The following SCHIP1 variants were observed in gnomAD, a reference collection of about 807,000 sequenced individuals.
The protein encoded by SCHIP1 is schwannomin-interacting protein 1.
A neutral mutation model predicts 29.7 loss-of-function variants in SCHIP1; 8 were observed. That is an observed-to-expected ratio of 0.27 (90% CI 0.16 to 0.49). SCHIP1 has a LOEUF of 0.49. Ranked by LOEUF, SCHIP1 falls within the 20% of genes least tolerant of loss-of-function variation. The pLI is 0.99. For synonymous variants in SCHIP1, 76 were observed against 94.9 expected (o/e 0.80, Z 1.16); for missense variants, 193 against 294.6 (o/e 0.66, Z 2.52).
the SCHIP1 span, among the ~76,000 whole-genome samples, chr3:159,612,474 C>T: frequency 0.017 from 2,603 of 152,280 alleles, 81 homozygotes; most frequent in African/African-American, 0.059. Flanking sequence ...CGGACATGCG[C>T]GGTGGCTCAC....
intron 2 of SCHIP1, among the ~76,000 whole-genome samples, chr3:159,869,420 G>A (rs753615295): frequency 6.6e-6 from 1 of 151,852 alleles, no homozygotes; most frequent in Non-Finnish European, 1.5e-5. Flanking sequence ...TCTTGATATG[G>A]TATGGAGAAG....
At chr3:159,536,029 A>G in the SCHIP1 span, among the ~76,000 whole-genome samples, 1 of 152,176 alleles carries the variant, frequency 6.6e-6, no homozygotes, top group Non-Finnish European at 1.5e-5. Flanking sequence ...AGTTATATAA[A>G]ATTTGATTCC....
chr3:159,356,261 C>T, the SCHIP1 span, among the ~76,000 whole-genome samples: 16,546 of 151,966 alleles, frequency 0.11, 2,749 homozygotes, highest in African/African-American at 0.36. Context: ...TGTTATCGTT[C>T]AATCCTATGC....
the SCHIP1 span, among the ~76,000 whole-genome samples, chr3:159,480,461 G>A: frequency 2.0e-5 from 3 of 152,024 alleles, no homozygotes; most frequent in Non-Finnish European, 4.4e-5. Context: ...TTGAATCATG[G>A]CTTGATGAAA....
chr3:159,507,079 T>G, the SCHIP1 span, among the ~76,000 whole-genome samples: 1 of 152,214 alleles, frequency 6.6e-6, no homozygotes, highest in Non-Finnish European at 1.5e-5. Flanking sequence ...TTTCACGATA[T>G]TGATTCTTCC....
the SCHIP1 span, among the ~76,000 whole-genome samples, chr3:159,404,672 A>C: frequency 6.6e-6 from 1 of 152,352 alleles, no homozygotes; most frequent in Non-Finnish European, 1.5e-5. Context: ...CCTAGCTCCC[A>C]GACAGCATCT....
chr3:159,423,595 C>T, the SCHIP1 span, among the ~76,000 whole-genome samples: 1 of 152,212 alleles, frequency 6.6e-6, no homozygotes, highest in African/African-American at 2.4e-5. Context: ...TCAAGGAGGC[C>T]TGCCTGCCTC....
At chr3:159,618,711 A>G in the SCHIP1 span, among the ~76,000 whole-genome samples, 1 of 151,744 alleles carries the variant, frequency 6.6e-6, no homozygotes, top group Non-Finnish European at 1.5e-5. Flanking sequence ...TGGAGCAGAA[A>G]CATTGTTTTC....
At chr3:159,445,159 T>A in the SCHIP1 span, among the ~76,000 whole-genome samples, 8 of 152,044 alleles carry the variant, frequency 5.3e-5, no homozygotes, top group Non-Finnish European at 1.0e-4. Flanking sequence ...GAATCTACAA[T>A]GAACTCAAAC....
the SCHIP1 span, among the ~76,000 whole-genome samples, chr3:159,582,236 TCATAGC>T: frequency 6.6e-6 from 1 of 152,136 alleles, no homozygotes; most frequent in East Asian, 1.9e-4. Flanking sequence ...AGTGGTATGA[TCATAGC>T]TCACTACAGC....
the SCHIP1 span, among the ~76,000 whole-genome samples, chr3:159,620,970 C>G: frequency 6.6e-6 from 1 of 152,154 alleles, no homozygotes; most frequent in East Asian, 1.9e-4. Context: ...GGTATTTGCA[C>G]AAATATGTTA....
At chr3:159,548,471 TCA>T in the SCHIP1 span, among the ~76,000 whole-genome samples, 82 of 152,088 alleles carry the variant, frequency 5.4e-4, no homozygotes, top group African/African-American at 1.9e-3. Flanking sequence ...GCTCTCTCTC[TCA>T]TTCTCCCCTA....
intron 2 of SCHIP1, among the ~76,000 whole-genome samples, chr3:159,868,976 A>C (rs776987601): frequency 1.8e-4 from 28 of 151,980 alleles, no homozygotes; most frequent in Middle Eastern, 3.2e-3. Context: ...AATTCTTTTA[A>C]GTTTTTGTGA....
the SCHIP1 span, among the ~76,000 whole-genome samples, chr3:159,692,243 T>C: frequency 6.6e-6 from 1 of 152,158 alleles, no homozygotes; most frequent in African/African-American, 2.4e-5. Context: ...TGGTGTTCTC[T>C]GTATTTCCTG....
chr3:159,354,041 C>T, the SCHIP1 span, among the ~76,000 whole-genome samples: 603 of 152,226 alleles, frequency 4.0e-3, 2 homozygotes, highest in Middle Eastern at 0.045. Flanking sequence ...TTCATGAAAA[C>T]GAACTGTTAC....
the SCHIP1 span, chr3:159,764,146 A>C: frequency 2.8e-6 from 1 of 362,790 alleles, no homozygotes; most frequent in East Asian, 4.4e-5. This position sits in a 1 kb window ranked among gnomAD's most constrained non-coding sequence, Gnocchi z 6.1. Flanking sequence ...TGGTTAATAC[A>C]AAGTCTGCGC....
At chr3:159,502,229 G>A in the SCHIP1 span, among the ~76,000 whole-genome samples, 8 of 152,198 alleles carry the variant, frequency 5.3e-5, no homozygotes, top group African/African-American at 1.9e-4. Flanking sequence ...TTACTTCTGA[G>A]GAGGGAGGGA....
At chr3:159,860,138 A>G (rs1249940224) in intron 1 of SCHIP1, among the ~76,000 whole-genome samples, 1 of 152,052 alleles carries the variant, frequency 6.6e-6, no homozygotes, top group Non-Finnish European at 1.5e-5. Flanking sequence ...CAGTGTATTC[A>G]TTAGCTTCTG....
chr3:159,887,594 GGA>G, intron 3 of SCHIP1, 112 bp from the exon 5 acceptor site: 1 of 1,140,702 alleles, frequency 8.8e-7, no homozygotes, highest in Admixed American at 2.2e-5. Flanking sequence ...TCACATTGAG[GGA>G]GGGAACTCTG....
Sources: allele counts gnomAD v4.1 joint callset (sites outside exome capture counted in the v4.1 genomes callset), GRCh38; gene constraint gnomAD v4.1.1; non-coding constraint Gnocchi (gnomAD v3.1); transcripts MANE v1.5; gene names NCBI Gene and HGNC (gene_info 2026-07-23, HGNC 2026-07-21).